The following CCDC92 variants were observed in gnomAD, a reference collection of about 807,000 sequenced individuals.
CCDC92 encodes the protein coiled-coil domain-containing protein 92.
In CCDC92, 12 loss-of-function variants were observed where a neutral mutation model predicts 24.9. That is an observed-to-expected ratio of 0.48 (90% CI 0.31 to 0.78). The LOEUF (loss-of-function observed/expected upper bound fraction) is 0.78. Ranked by LOEUF, CCDC92 falls within the 30% of genes least tolerant of loss-of-function variation. The pLI is 0.05. For synonymous variants in CCDC92, 193 were observed against 196.3 expected (o/e 0.98, Z 0.14); for missense variants, 399 against 439.4 (o/e 0.91, Z 0.82).
intron 1 of CCDC92, chr12:123,968,712 CT>C (rs1956450526): frequency 6.6e-6 from 1 of 152,112 alleles, no homozygotes; most frequent in African/African-American, 2.4e-5. Flanking sequence ...GAGAGAGTAA[CT>C]ATTTTAAAAG....
intron 1 of CCDC92, among the ~76,000 whole-genome samples, chr12:123,969,272 T>C (rs1018143329): frequency 2.6e-5 from 4 of 152,094 alleles, no homozygotes; most frequent in African/African-American, 9.7e-5. Context: ...TTGGCTTTGT[T>C]TTACCTTCAG....
chr12:123,943,198 T>A (rs1955740832), intron 3 of CCDC92, 149 bp downstream of exon 3: 2 of 774,284 alleles, frequency 2.6e-6, no homozygotes, highest in Admixed American at 2.9e-5. Context: ...GCATCTTGAT[T>A]ATGCAATGAG....
chr12:123,942,492 T>C lies in CCDC92; in HGVS notation c.223+252A>G, dbSNP rs755150810. Among the ~76,000 whole-genome samples, 50 of 152,300 alleles carry C rather than the reference T, an allele frequency of 3.3e-4. 1 individual carries two copies. Among genetic ancestry groups the C allele is most frequent in the Middle Eastern group, 3.4e-3 (1 of 294 alleles). On this transcript the variant is annotated intron_variant, in intron 4 of 4. Coordinates refer to ENST00000238156, the MANE Select transcript of CCDC92 (RefSeq NM_025140.3). ...TCATTGTAGGAAAATCAGAAAAACA[T>C]ATAATAGGCATTCCAAATATATGTG...
chr12:123,967,936 A>AG (rs1384148486), intron 1 of CCDC92: 1 of 152,264 alleles, frequency 6.6e-6, no homozygotes, highest in Non-Finnish European at 1.5e-5. Context: ...TGAAGAGCAA[A>AG]GGATAATGGA....
At chr12:123,959,381 C>T (rs890216981) in intron 1 of CCDC92, among the ~76,000 whole-genome samples, 3 of 151,910 alleles carry the variant, frequency 2.0e-5, no homozygotes, top group Admixed American at 6.6e-5. Flanking sequence ...GTGGTGCAAT[C>T]GCAACCTCGA....
chr12:123,960,996 T>C (rs531164136), intron 1 of CCDC92: 1 of 152,384 alleles, frequency 6.6e-6, no homozygotes, highest in Admixed American at 6.5e-5. Flanking sequence ...AGCCAGCATA[T>C]GTTTCTAAAG....
rs201959821 is a variant in CCDC92, at chr12:123,937,085, C to T, written c.969G>A (p.Lys323=). The change falls in exon 5 of 5, where the codon AAG becomes AAA. Residue 323 remains lysine (K), a synonymous_variant. Transcript: ENST00000238156. This position sits in a 1 kb window ranked among gnomAD's most constrained non-coding sequence, Gnocchi z 8.4. ...ACACAGTTCTGTCCGTCCCTGAGTG[C>T]TTCCTCACCACCTTGCCTCCGTTCA... is the stretch of plus-strand genomic sequence containing the variant. ...DQVNGGKVVR[K]HSGTDRTV is the part of the protein sequence containing the mutation. The T allele has an allele frequency of 5.6e-6, 9 of 1,613,974 alleles. No homozygotes were observed. Among genetic ancestry groups the T allele is most frequent in the Middle Eastern group, 1.7e-4 (1 of 6,058 alleles).
chr12:123,946,397 C>G (rs1418160312), intron 1 of CCDC92: 1 of 152,552 alleles, frequency 6.6e-6, no homozygotes, highest in Non-Finnish European at 1.5e-5. Flanking sequence ...GAACACTCTT[C>G]TTAGGCCTCT....
At chr12:123,957,216 T>C (rs1421623512) in intron 1 of CCDC92, among the ~76,000 whole-genome samples, 1 of 152,232 alleles carries the variant, frequency 6.6e-6, no homozygotes, top group Non-Finnish European at 1.5e-5. Flanking sequence ...AGATTTTCCA[T>C]TTGAAGTTCG....
chr12:123,961,310 G>A (rs1407162108), intron 1 of CCDC92: 3 of 152,228 alleles, frequency 2.0e-5, no homozygotes, highest in Admixed American at 6.5e-5. Context: ...CCTAATAAAT[G>A]AGTGAATAAG....
intron 1 of CCDC92, chr12:123,968,285 CG>C (rs1329865948): frequency 6.6e-6 from 1 of 152,186 alleles, no homozygotes; most frequent in East Asian, 1.9e-4. Flanking sequence ...GTATTGATCT[CG>C]GTCGGCTCTC....
Position 123,937,552 on chromosome 12 carries a change from T to G in CCDC92, c.502A>C (p.Lys168Gln), listed in dbSNP as rs781130374. The change falls in exon 5 of 5, where the codon AAG becomes CAG. Residue 168 changes from lysine to glutamine, a missense_variant. Coordinates refer to ENST00000238156, the MANE Select transcript of CCDC92 (RefSeq NM_025140.3). This position sits in a 1 kb window ranked among gnomAD's most constrained non-coding sequence, Gnocchi z 8.4. The stretch of plus-strand genomic sequence containing the variant: ...GAGGTCCCGCTGGAGCTCATGAGCT[T>G]CTTCTTGGCGGCGTGCAGCTGGGAG... The part of the protein sequence containing the change: ...LTSQLHAAKK[K>Q]LMSSSGTSDA... 6.0e-5 allele frequency: 96 copies of G among 1,612,400 alleles called. No individual in the cohort carries two copies. The highest frequency in any genetic ancestry group is 1.6e-4 in the Middle Eastern group (1 of 6,084).
At chr12:123,954,010 T>C (rs1029601525) in intron 1 of CCDC92, among the ~76,000 whole-genome samples, 13 of 152,198 alleles carry the variant, frequency 8.5e-5, no homozygotes, top group Admixed American at 2.0e-4. Context: ...GTGGACTCGG[T>C]GATTTTTACC....
chr12:123,945,820 C>T (rs1011908987), intron 1 of CCDC92: 1 of 152,156 alleles, frequency 6.6e-6, no homozygotes, highest in African/African-American at 2.4e-5. Flanking sequence ...GAAGCAGAGC[C>T]CATATGTTAG....
chr12:123,949,463 T>G (rs1449548822), intron 1 of CCDC92, among the ~76,000 whole-genome samples: 1 of 152,228 alleles, frequency 6.6e-6, no homozygotes, highest in African/African-American at 2.4e-5. Flanking sequence ...GGGCTCCAAC[T>G]GACTATCACT....
chr12:123,956,035 A>G (rs1956142516), intron 1 of CCDC92, among the ~76,000 whole-genome samples: 1 of 152,306 alleles, frequency 6.6e-6, no homozygotes, highest in East Asian at 1.9e-4. Flanking sequence ...AGGGGCCCAC[A>G]CTGATTCCTT....
At chr12:123,943,784 T>C (rs4930726) in intron 2 of CCDC92, 165,827 of 502,748 alleles carry the variant, frequency 0.33, 29,711 homozygotes, top group African/African-American at 0.5. Context: ...TACAAAGTCA[T>C]TTCCCTTTAC....
At chr12:123,944,699 G>A (rs1049986843) in intron 1 of CCDC92, 11 of 166,558 alleles carry the variant, frequency 6.6e-5, no homozygotes, top group Admixed American at 3.8e-4. Context: ...CTTCCTGGGC[G>A]CTGCTCCGGT....
intron 4 of CCDC92, among the ~76,000 whole-genome samples, chr12:123,941,406 G>A (rs538060951): frequency 3.9e-5 from 6 of 152,298 alleles, no homozygotes; most frequent in Non-Finnish European, 8.8e-5. Flanking sequence ...CCTGGGTGGC[G>A]CACTCAGGAG....
Sources: gnomAD v4.1 joint callset for allele counts (sites outside exome capture counted in the v4.1 genomes callset) on GRCh38, gnomAD v4.1.1 for gene constraint, Gnocchi (gnomAD v3.1) non-coding constraint, MANE v1.5 for transcripts, NCBI Gene and HGNC (gene_info 2026-07-23, HGNC 2026-07-21) for gene names.